NR1I2: variants seen among roughly 807,000 people sequenced by gnomAD.
The protein encoded by NR1I2 is nuclear receptor subfamily 1 group I member 2, also known as orphan nuclear receptor PAR1.
A neutral mutation model predicts 43.3 loss-of-function variants in NR1I2; 42 were observed. The ratio of observed to expected loss-of-function variants is 0.97; its 90% confidence interval spans 0.76 to 1.26. The LOEUF (loss-of-function observed/expected upper bound fraction) is 1.26. Among genes scored for constraint, NR1I2 ranks in the 50% most tolerant of loss-of-function variants. NR1I2 has a pLI of 0.00. For missense variants in NR1I2, 559 were observed against 566.7 expected (o/e 0.99, Z 0.14); for synonymous variants, 229 against 215.0 (o/e 1.06, Z -0.57).
chr3:119,798,047 G>A (rs905745189), intron 1 of NR1I2, among the ~76,000 whole-genome samples: 27 of 152,174 alleles, frequency 1.8e-4, no homozygotes, highest in African/African-American at 6.3e-4. Context: ...ATTTTACGAT[G>A]TGTGGGTAGG....
intron 1 of NR1I2, among the ~76,000 whole-genome samples, chr3:119,793,605 C>T (rs904864963): frequency 1.6e-4 from 24 of 152,182 alleles, no homozygotes; most frequent in Admixed American, 1.4e-3. Context: ...TTCCACATTA[C>T]GTCTCTTTCT....
chr3:119,817,286 G>A lies in NR1I2; in HGVS notation c.*74G>A. On this transcript the variant is annotated 3_prime_UTR_variant, in exon 9 of 9. Transcript: ENST00000393716. ...CTCTGAGCCGCCACTCCCGGGCCAA[G>A]ACAGATGGACACTGCCAAGAGCCGA... 1.2e-6 allele frequency: 2 copies of A among 1,605,480 alleles called. No individual in the cohort carries two copies. The highest frequency in any genetic ancestry group is 2.2e-5 in the East Asian group (1 of 44,826).
intron 5 of NR1I2, among the ~76,000 whole-genome samples, chr3:119,814,409 G>C (rs6784598): frequency 0.48 from 73,521 of 152,032 alleles, 20,406 homozygotes; most frequent in Non-Finnish European, 0.61. Flanking sequence ...TGGGCTGCAG[G>C]GAAACAGTAG....
intron 8 of NR1I2, 127 bp from the exon 9 acceptor site, chr3:119,816,941 A>G (rs961539003): frequency 1.6e-6 from 2 of 1,253,294 alleles, no homozygotes; most frequent in South Asian, 2.5e-5. Context: ...TACGGAATTC[A>G]GCCAAGCCTT....
At chr3:119,794,064 C>A (rs750348569) in intron 1 of NR1I2, among the ~76,000 whole-genome samples, 1 of 152,002 alleles carries the variant, frequency 6.6e-6, no homozygotes, top group East Asian at 1.9e-4. Flanking sequence ...GGCTGGAATG[C>A]AGTGGCACAA....
chr3:119,807,983 C>G (rs1412757569), intron 2 of NR1I2, among the ~76,000 whole-genome samples: 4 of 152,176 alleles, frequency 2.6e-5, no homozygotes, highest in Non-Finnish European at 4.4e-5. Context: ...GCCAGCCTGA[C>G]AGCCCTTTGC....
At chr3:119,806,122 G>A (rs1379962455) in intron 1 of NR1I2, among the ~76,000 whole-genome samples, 1 of 152,206 alleles carries the variant, frequency 6.6e-6, no homozygotes, top group Non-Finnish European at 1.5e-5. Context: ...CTGTGGTGGT[G>A]TCTGCCCTTG....
At chr3:119,815,462 C>T in intron 7 of NR1I2, 23 bp downstream of exon 7, 1 of 1,573,254 alleles carries the variant, frequency 6.4e-7, no homozygotes, top group South Asian at 1.1e-5. Context: ...CCTAGGCTGC[C>T]TGACATCCCC....
At chr3:119,788,728 G>A (rs1180113592) in intron 1 of NR1I2, among the ~76,000 whole-genome samples, 2 of 152,172 alleles carry the variant, frequency 1.3e-5, no homozygotes, top group Non-Finnish European at 2.9e-5. Context: ...GTGAGGCACT[G>A]TGCCCGGCCT....
rs765529027 is a variant in NR1I2, at chr3:119,812,693, G to A, written c.527G>A (p.Gly176Glu). 2 of 1,613,926 alleles carry A rather than the reference G, an allele frequency of 1.2e-6. No individual in the cohort carries two copies. The highest frequency in any genetic ancestry group is 1.7e-5 in the Admixed American group (1 of 60,024). ...TCCTGGCATGTGTCCTAGCTGCCAG[G>A]GGTGCTTAGCAGTGGCTGCGAGTTG... The change falls in exon 5 of 9, where the codon GGG (glycine) becomes GAG (glutamate). Residue 176 changes from glycine (G) to glutamate (E), a missense_variant. By Grantham distance (98) the Gly-to-Glu change is moderately conservative. Around this residue, in one of 3 missense-constraint regions of NR1I2, gnomAD observed 232 missense variants for 236.6 expected, o/e 0.98. Coordinates refer to ENST00000393716, the MANE Select transcript of NR1I2 (RefSeq NM_003889.4).
In NR1I2 at chr3:119,791,157, A is replaced by G. The variant is rs973723742; in HGVS notation, c.-23+8857A>G. ...ACTTAGCTCTGTCTGTATGTCTGAC[A>G]TCCAGACTCACTAGAAGAGGATCTA... On this transcript the variant is annotated intron_variant, in intron 1 of 8. Transcript: ENST00000393716. Among the ~76,000 whole-genome samples, 3 of 152,244 alleles carry G rather than the reference A, an allele frequency of 2.0e-5. No homozygotes were observed. The East Asian group carries it at 5.8e-4, about 29-fold the overall frequency.
At chr3:119,803,627 G>A (rs998772136) in intron 1 of NR1I2, among the ~76,000 whole-genome samples, 1 of 152,116 alleles carries the variant, frequency 6.6e-6, no homozygotes, top group Admixed American at 6.5e-5. Flanking sequence ...TTTTACAAAG[G>A]ACCTGAATAA....
At position 119,817,346 on chromosome 3, in the gene NR1I2, C is replaced by G. The variant is rs1559792694; in HGVS notation, c.*134C>G. 1 of 1,555,522 alleles carries G rather than the reference C, an allele frequency of 6.4e-7. No individual in the cohort carries two copies. The highest frequency in any genetic ancestry group is 1.2e-5 in the South Asian group (1 of 86,360). The stretch of plus-strand genomic sequence containing the variant: ...GCTGGCCTGTCTCCCTAGGGAATTC[C>G]TGCTATGACAGCTGGCTAGCATTCC... On this transcript the variant is annotated 3_prime_UTR_variant, in exon 9 of 9. Coordinates refer to ENST00000393716, the MANE Select transcript of NR1I2 (RefSeq NM_003889.4).
At chr3:119,814,885 C>T (rs897576442) in intron 5 of NR1I2, 94 bp from the exon 6 acceptor site, 18 of 1,515,788 alleles carry the variant, frequency 1.2e-5, no homozygotes, top group South Asian at 2.3e-5. Flanking sequence ...CTCTTCCTCT[C>T]GCCCCCAACT....
chr3:119,802,621 G>T (rs1284153172), intron 1 of NR1I2, among the ~76,000 whole-genome samples: 1 of 152,140 alleles, frequency 6.6e-6, no homozygotes, highest in Non-Finnish European at 1.5e-5. Flanking sequence ...AAAATGTAAG[G>T]GAGGTTGGTC....
intron 1 of NR1I2, chr3:119,792,038 A>G: frequency 1.4e-6 from 1 of 725,972 alleles, no homozygotes; most frequent in Non-Finnish European, 2.6e-6. Flanking sequence ...GTTCTCAACC[A>G]CATAATGTGC....
In NR1I2 at chr3:119,783,221, A is replaced by G. The variant is rs561176220; in HGVS notation, c.-23+921A>G. Among the ~76,000 whole-genome samples the G allele has an allele frequency of 5.3e-5, 8 of 152,340 alleles. 2 individuals carry two copies. The South Asian group carries it at 1.7e-3, about 32-fold the overall frequency. On this transcript the variant is annotated intron_variant, in intron 1 of 8. Transcript: ENST00000393716. ...AATACGCTTTAAAAATATTTTAGTT[A>G]TGTCATAAAAGTCTAAACCTGGGGT...
intron 2 of NR1I2, among the ~76,000 whole-genome samples, chr3:119,809,356 G>C (rs1407319497): frequency 6.6e-6 from 1 of 151,928 alleles, no homozygotes; most frequent in Admixed American, 6.6e-5. Flanking sequence ...AGGGGTGTGC[G>C]GGCCCGTGGG....
Position 119,818,079 on chromosome 3 carries a change from A to G in NR1I2, c.*867A>G, listed in dbSNP as rs2472683. ...ACTGGGTACCCAAGTGAAGGTTCCCAAGGACATGAGTCTGTAGGAGCAAGG... is the reference window on the plus strand; with the variant it reads ...ACTGGGTACCCAAGTGAAGGTTCCCGAGGACATGAGTCTGTAGGAGCAAGG... On this transcript the variant is annotated 3_prime_UTR_variant, in exon 9 of 9. Coordinates refer to ENST00000393716, the MANE Select transcript of NR1I2 (RefSeq NM_003889.4). 1 allele frequency: 985,574 copies of G among 985,590 alleles called. 492,779 individuals are homozygous for G. Among genetic ancestry groups the G allele is most frequent in the Middle Eastern group, 1 (1,914 of 1,914 alleles). 61.1% of individuals were successfully genotyped at this position (985,590 alleles called of 1,614,324 possible).
Sources: gnomAD v4.1 joint callset for allele counts (sites outside exome capture counted in the v4.1 genomes callset) on GRCh38, gnomAD v4.1.1 for gene constraint, gnomAD v4.1.1 regional missense constraint, MANE v1.5 for transcripts, NCBI Gene and HGNC (gene_info 2026-07-23, HGNC 2026-07-21) for gene names.